BABAM2: variants seen among roughly 807,000 people sequenced by gnomAD.
The protein encoded by BABAM2 is BRISC and BRCA1 A complex member 2.
Under a neutral mutation model 54.7 loss-of-function variants are expected in BABAM2, and 31 were observed. The ratio of observed to expected loss-of-function variants is 0.57; its 90% CI spans 0.43 to 0.77. The LOEUF (loss-of-function observed/expected upper bound fraction) is 0.77, where lower values mean the gene tolerates loss of function less well. Among genes scored for constraint, BABAM2 ranks in the 30% least tolerant of loss-of-function variants. BABAM2 has a pLI of 0.00. For synonymous variants in BABAM2, 167 were observed against 162.9 expected (o/e 1.03, Z -0.19); for missense variants, 364 against 455.8 (o/e 0.80, Z 1.83).
intron 4 of BABAM2, chr2:28,015,851 C>A (rs1160888757): frequency 2.7e-6 from 2 of 748,672 alleles, no homozygotes; most frequent in African/African-American, 3.6e-5. Context: ...TTTTCTCGTT[C>A]TTCACTGCTT....
intron 6 of BABAM2, among the ~76,000 whole-genome samples, chr2:28,051,764 T>C (rs1678015757): frequency 6.6e-6 from 1 of 152,028 alleles, no homozygotes; most frequent in South Asian, 2.1e-4. Flanking sequence ...TTCCTTTGCC[T>C]CAGCCTTCCG....
intron 4 of BABAM2, among the ~76,000 whole-genome samples, chr2:27,993,431 A>G (rs184484832): frequency 1.3e-5 from 2 of 152,288 alleles, no homozygotes; most frequent in Admixed American, 1.3e-4. Context: ...ATTTGGAGGG[A>G]TAAAAATAAA....
At chr2:27,935,980 G>A (rs1668455114) in intron 3 of BABAM2, among the ~76,000 whole-genome samples, 1 of 152,132 alleles carries the variant, frequency 6.6e-6, no homozygotes, top group East Asian at 1.9e-4. Flanking sequence ...GTGCAGTGGT[G>A]CGATCTTAGC....
At chr2:28,324,944 A>G (rs1331861590) in intron 11 of BABAM2, among the ~76,000 whole-genome samples, 8 of 152,204 alleles carry the variant, frequency 5.3e-5, no homozygotes, top group African/African-American at 1.9e-4. Flanking sequence ...AAGTAGCATG[A>G]TATCTGGCAT....
intron 4 of BABAM2, among the ~76,000 whole-genome samples, chr2:28,009,999 A>C (rs749586835): frequency 6.6e-6 from 1 of 152,148 alleles, no homozygotes; most frequent in Non-Finnish European, 1.5e-5. Flanking sequence ...AAGCCAGTGA[A>C]GGCCTCCTGT....
chr2:28,213,453 A>G (rs1679653442), intron 7 of BABAM2, among the ~76,000 whole-genome samples: 1 of 152,122 alleles, frequency 6.6e-6, no homozygotes, highest in African/African-American at 2.4e-5. Flanking sequence ...AACTTAATAT[A>G]TGAGTAACAT....
intron 5 of BABAM2, among the ~76,000 whole-genome samples, chr2:28,025,691 C>T (rs543981758): frequency 6.6e-6 from 1 of 152,172 alleles, no homozygotes; most frequent in African/African-American, 2.4e-5. Context: ...AGGGCCTGCA[C>T]GTGCTACCAG....
chr2:28,109,513 T>C (rs569490465), intron 6 of BABAM2, among the ~76,000 whole-genome samples: 2 of 152,226 alleles, frequency 1.3e-5, no homozygotes, highest in South Asian at 4.2e-4. Flanking sequence ...AAGGTACATT[T>C]GATCCCTACT....
chr2:28,129,980 GT>G (rs1349528518), intron 7 of BABAM2, among the ~76,000 whole-genome samples: 1 of 152,158 alleles, frequency 6.6e-6, no homozygotes, highest in Non-Finnish European at 1.5e-5. Flanking sequence ...AATGAATTTT[GT>G]AAGGCCTGAA....
intron 10 of BABAM2, among the ~76,000 whole-genome samples, chr2:28,271,780 A>G (rs1329132743): frequency 6.6e-6 from 1 of 152,264 alleles, no homozygotes; most frequent in Non-Finnish European, 1.5e-5. Flanking sequence ...TTGTACATTT[A>G]AAACAAGTTC....
intron 5 of BABAM2, among the ~76,000 whole-genome samples, chr2:28,027,741 AC>A (rs1213703381): frequency 4.6e-5 from 7 of 152,120 alleles, no homozygotes. Flanking sequence ...CCACTTTTTG[AC>A]TTTTATGAAT....
intron 11 of BABAM2, among the ~76,000 whole-genome samples, chr2:28,315,145 G>A (rs1357020738): frequency 1.3e-5 from 2 of 151,164 alleles, no homozygotes; most frequent in African/African-American, 4.9e-5. Flanking sequence ...GGAGAGGGGA[G>A]GAGATATGCA....
chr2:28,270,970 A>G (rs1394836455), intron 10 of BABAM2, among the ~76,000 whole-genome samples: 2 of 152,102 alleles, frequency 1.3e-5, no homozygotes, highest in Non-Finnish European at 2.9e-5. Flanking sequence ...CTTCCCTGGG[A>G]TTCAGGAGGC....
At chr2:27,937,038 A>T (rs925043310) in intron 3 of BABAM2, among the ~76,000 whole-genome samples, 1 of 152,220 alleles carries the variant, frequency 6.6e-6, no homozygotes, top group Admixed American at 6.5e-5. Context: ...AGACTATAGT[A>T]TAGTAAATAT....
At chr2:28,033,392 T>C (rs138894951) in intron 5 of BABAM2, among the ~76,000 whole-genome samples, 2 of 152,268 alleles carry the variant, frequency 1.3e-5, no homozygotes, top group African/African-American at 4.8e-5. Context: ...CTTACAGTTA[T>C]AGAAGTTGAG....
intron 7 of BABAM2, 82 bp downstream of exon 7, chr2:28,129,462 C>T (rs1477467453): frequency 8.4e-7 from 1 of 1,195,472 alleles, no homozygotes; most frequent in Non-Finnish European, 1.2e-6. Flanking sequence ...CACTCTTGAA[C>T]TCTTACATTT....
intron 7 of BABAM2, among the ~76,000 whole-genome samples, chr2:28,179,663 A>G (rs1029014534): frequency 6.6e-6 from 1 of 152,192 alleles, no homozygotes; most frequent in African/African-American, 2.4e-5. Context: ...AAGGCATAAC[A>G]ATCAGAAAAG....
intron 7 of BABAM2, among the ~76,000 whole-genome samples, chr2:28,142,106 G>A (rs1671116449): frequency 6.6e-6 from 1 of 152,096 alleles, no homozygotes; most frequent in Non-Finnish European, 1.5e-5. Context: ...AGATTTTCCT[G>A]TGTGAAGTTT....
chr2:28,172,101 G>C (rs895856991), intron 7 of BABAM2, among the ~76,000 whole-genome samples: 1 of 151,900 alleles, frequency 6.6e-6, no homozygotes, highest in Non-Finnish European at 1.5e-5. Flanking sequence ...GTGTGTGTGT[G>C]TGTGTGTGTG....
Sources: allele counts gnomAD v4.1 joint callset (sites outside exome capture counted in the v4.1 genomes callset), GRCh38; gene constraint gnomAD v4.1.1; transcripts MANE v1.5; gene names NCBI Gene and HGNC (gene_info 2026-07-23, HGNC 2026-07-21).